The following SLC66A2 variants were observed in gnomAD, a reference collection of about 807,000 sequenced individuals.
SLC66A2 encodes solute carrier family 66 member 2.
SLC66A2 carries 23 observed loss-of-function variants against 25.5 expected under a neutral mutation model. That is an observed-to-expected ratio of 0.90 (90% CI 0.65 to 1.28). The LOEUF is 1.28. Among genes scored for constraint, SLC66A2 ranks in the 50% most tolerant of loss-of-function variants. The pLI is 0.00. For synonymous variants in SLC66A2, 193 were observed against 166.5 expected (o/e 1.16, Z -1.23); for missense variants, 396 against 373.1 (o/e 1.06, Z -0.51).
chr18:79,909,621 A>G (rs1599488928), intron 5 of SLC66A2, among the ~76,000 whole-genome samples: 1 of 68,772 alleles, frequency 1.5e-5, no homozygotes, highest in East Asian at 5.9e-4. Context: ...ATCTCACCAC[A>G]GAGTCCGCAA....
chr18:79,948,619 G>A (rs1296176490), intron 2 of SLC66A2, among the ~76,000 whole-genome samples: 2 of 152,138 alleles, frequency 1.3e-5, no homozygotes, highest in Admixed American at 6.5e-5. Flanking sequence ...GGAATTACAG[G>A]AGCGGGCCAC....
intron 4 of SLC66A2, among the ~76,000 whole-genome samples, chr18:79,928,477 C>T (rs1202391241): frequency 1.3e-5 from 2 of 152,326 alleles, no homozygotes; most frequent in African/African-American, 4.8e-5. Context: ...CAGTGTGAGG[C>T]TCTCCACAGA....
In SLC66A2 at chr18:79,920,188, T is replaced by A. The variant is rs867338669; in HGVS notation, c.392-788A>T. On this transcript the variant is annotated intron_variant, in intron 4 of 5. Transcript: ENST00000397778. The stretch of plus-strand genomic sequence containing the variant: ...GAACCGAGGGAGAGGTCAAGGTCAG[T>A]GGAGGAGAGACAGGAACCGAGTGAG... Among the ~76,000 whole-genome samples, 2 of 2,680 alleles carry A rather than the reference T, an allele frequency of 7.5e-4. 1 individual carries two copies. The highest frequency in any genetic ancestry group is 0.031 in the Admixed American group (2 of 64). The allele number at this position is 2,680 out of a possible 152,430, so 1.8% of individuals were successfully genotyped here.
chr18:79,943,477 CTG>C lies in SLC66A2; in HGVS notation c.204-17_204-16del. 4 of 1,611,068 alleles carry C rather than the reference CTG, an allele frequency of 2.5e-6. No individual in the cohort carries two copies. The highest frequency in any genetic ancestry group is 3.4e-6 in the Non-Finnish European group (4 of 1,177,990). On this transcript the variant is annotated splice_polypyrimidine_tract_variant and intron_variant, in intron 2 of 5. Transcript: ENST00000397778. ...GCCTTCCAAACCTGCGGGAGAGACA[CTG>C]TGTCAGGAGGGAGGTCCACCCATGC...
intron 5 of SLC66A2, among the ~76,000 whole-genome samples, chr18:79,916,813 T>C (rs1321173088): frequency 6.6e-6 from 1 of 152,240 alleles, no homozygotes; most frequent in African/African-American, 2.4e-5. Flanking sequence ...CAACCGTGTT[T>C]CCCAGAGCTC....
At position 79,904,083 on chromosome 18, in the gene SLC66A2, G is replaced by A; in HGVS notation, c.709C>T (p.Gln237Ter). ...AGGATGGCCAGGTCCACCAGCACCT[G>A]CAGCAGGCCGCACACGGAGAACTGC... ...PLQFSVCGLL[Q>*]VLVDLAILGQ... The change falls in exon 6 of 6, where the codon CAG becomes TAG. Residue 237 changes from glutamine to a stop codon, truncating the protein, a stop_gained. Coordinates refer to ENST00000397778, the MANE Select transcript of SLC66A2 (RefSeq NM_025078.5). LOFTEE classifies it high-confidence loss of function. The surrounding 1 kb of genome is among the most constrained non-coding windows in gnomAD (Gnocchi z 6.3). The A allele has an allele frequency of 6.2e-7, 1 of 1,612,546 alleles. No homozygotes were observed. The highest frequency in any genetic ancestry group is 1.1e-5 in the South Asian group (1 of 91,050).
chr18:79,933,868 G>T, intron 4 of SLC66A2, 101 bp downstream of exon 4: 1 of 993,980 alleles, frequency 1.0e-6, no homozygotes, highest in Non-Finnish European at 1.6e-6. Context: ...TAAAGATGAC[G>T]CACGCACATG....
chr18:79,939,453 C>T (rs1355237621), intron 3 of SLC66A2, among the ~76,000 whole-genome samples: 1 of 152,162 alleles, frequency 6.6e-6, no homozygotes, highest in Admixed American at 6.5e-5. Flanking sequence ...AAACAGACAA[C>T]CTACAGATGG....
At chr18:79,909,299 C>A (rs1057030278) in intron 5 of SLC66A2, among the ~76,000 whole-genome samples, 6 of 152,206 alleles carry the variant, frequency 3.9e-5, no homozygotes, top group Admixed American at 3.9e-4. Context: ...CACAATGACA[C>A]TGAGTTCACA....
intron 5 of SLC66A2, among the ~76,000 whole-genome samples, chr18:79,906,034 T>C (rs2123181067): frequency 6.6e-6 from 1 of 152,338 alleles, no homozygotes; most frequent in South Asian, 2.1e-4. Flanking sequence ...GTCCATTTTA[T>C]CCAAATTTTC....
chr18:79,904,179 T>C lies in SLC66A2; in HGVS notation c.613A>G (p.Lys205Glu). 6.2e-7 allele frequency: 1 copy of C among 1,612,600 alleles called. No individual in the cohort carries two copies. Among genetic ancestry groups the C allele is most frequent in the Non-Finnish European group, 8.5e-7 (1 of 1,179,688 alleles). ...RHQSTEGMSIKMVLMWTSGDA... is the reference protein window; with the variant it reads ...RHQSTEGMSIEMVLMWTSGDA... ...CCACTGGTCCACATGAGCACCATCT[T>C]GATGCTGTGGAGACACAAGCAGGCG... is the stretch of plus-strand genomic sequence containing the variant. Residue 205 changes from lysine (K) to glutamate (E), a missense_variant, in exon 6 of 6, where the codon AAG becomes GAG. Lys to Glu is a moderately conservative substitution (Grantham distance 56). Coordinates refer to ENST00000397778, the MANE Select transcript of SLC66A2 (RefSeq NM_025078.5). This position sits in a 1 kb window ranked among gnomAD's most constrained non-coding sequence, Gnocchi z 6.3.
intron 4 of SLC66A2, among the ~76,000 whole-genome samples, chr18:79,928,540 T>C (rs1396086123): frequency 1.3e-5 from 2 of 152,154 alleles, no homozygotes; most frequent in Admixed American, 6.5e-5. Context: ...AGCACCCACT[T>C]AAAGTCCCTA....
Position 79,939,614 on chromosome 18 carries a change from C to G in SLC66A2, c.337+3715G>C, listed in dbSNP as rs145248091. On this transcript the variant is annotated intron_variant, in intron 3 of 5. Coordinates refer to ENST00000397778, the MANE Select transcript of SLC66A2 (RefSeq NM_025078.5). ...CAAAAGAAGACATACATGCGGCCAA[C>G]AAGCGTATGAAAAAAAGCTCAACAT... 9.9e-4 allele frequency among the ~76,000 whole-genome samples: 150 copies of G among 152,188 alleles called. 2 individuals carry two copies. The highest frequency in any genetic ancestry group is 3.1e-3 in the African/African-American group (130 of 41,522).
At position 79,943,373 on chromosome 18, in the gene SLC66A2, A is replaced by C. The variant is rs1189490587; in HGVS notation, c.293T>G (p.Val98Gly). Residue 98 changes from valine to glycine, a missense_variant, in exon 3 of 6, where the codon GTC becomes GGC. Val to Gly is a moderately radical substitution (Grantham distance 109). Transcript: ENST00000397778. ...GGCGTTGAGCTCGTTGGCCACACGG[A>C]CCTCGGTGCACAGCTTCAGCATCAG... Reference protein sequence around the residue: ...MLLMLKLCTEVRVANELNARR... With the variant: ...MLLMLKLCTEGRVANELNARR... 1 of 1,614,106 alleles carries C rather than the reference A, an allele frequency of 6.2e-7. No homozygotes were observed. Among genetic ancestry groups the C allele is most frequent in the South Asian group, 1.1e-5 (1 of 91,078 alleles).
Position 79,918,677 on chromosome 18 carries a change from G to C in SLC66A2, c.608+507C>G, listed in dbSNP as rs1465743916. On this transcript the variant is annotated intron_variant, in intron 5 of 5. Transcript: ENST00000397778. The surrounding 1 kb of genome is among the most constrained non-coding windows in gnomAD (Gnocchi z 4.0). Reference sequence around the variant, plus strand: ...CACGGGGACGTCCAGGCACGCACTGGTGCAGGGCGCCCAGGCATGGTCTGT... The same window carrying C: ...CACGGGGACGTCCAGGCACGCACTGCTGCAGGGCGCCCAGGCATGGTCTGT... 6.6e-6 allele frequency among the ~76,000 whole-genome samples: 1 copy of C among 152,244 alleles called. No homozygotes were observed. Among genetic ancestry groups the C allele is most frequent in the African/African-American group, 2.4e-5 (1 of 41,460 alleles).
At chr18:79,931,280 G>T (rs1022008865) in intron 4 of SLC66A2, among the ~76,000 whole-genome samples, 2 of 151,994 alleles carry the variant, frequency 1.3e-5, no homozygotes, top group Non-Finnish European at 1.5e-5. Flanking sequence ...TTGCCAGAAT[G>T]GATTTTTTTT....
At chr18:79,923,960 C>T (rs1423191765) in intron 4 of SLC66A2, among the ~76,000 whole-genome samples, 1 of 151,732 alleles carries the variant, frequency 6.6e-6, no homozygotes, top group Non-Finnish European at 1.5e-5. Context: ...TCCCTTGAGC[C>T]CAGGAGTTCA....
chr18:79,912,524 C>T (rs1052301609), intron 5 of SLC66A2, among the ~76,000 whole-genome samples: 4 of 151,466 alleles, frequency 2.6e-5, no homozygotes, highest in African/African-American at 9.7e-5. Flanking sequence ...CGCCAGGCCA[C>T]GTGTCACCAG....
chr18:79,905,642 G>A (rs759016913), intron 5 of SLC66A2, among the ~76,000 whole-genome samples: 1 of 152,238 alleles, frequency 6.6e-6, no homozygotes, highest in East Asian at 1.9e-4. Flanking sequence ...CGCAGCTTCC[G>A]GTTGACCCCT....
Sources: gnomAD v4.1 joint callset for allele counts (sites outside exome capture counted in the v4.1 genomes callset) on GRCh38, gnomAD v4.1.1 for gene constraint, Gnocchi (gnomAD v3.1) non-coding constraint, MANE v1.5 for transcripts, NCBI Gene and HGNC (gene_info 2026-07-23, HGNC 2026-07-21) for gene names.